CEP350: variants seen among roughly 807,000 people sequenced by gnomAD.
The protein encoded by CEP350 is centrosome-associated protein 350.
Under a neutral mutation model 331.8 loss-of-function variants are expected in CEP350, and 126 were observed. The ratio of observed to expected loss-of-function variants is 0.38; its 90% confidence interval spans 0.33 to 0.44. The LOEUF (loss-of-function observed/expected upper bound fraction) is 0.44, where lower values mean the gene tolerates loss of function less well. Among genes scored for constraint, CEP350 ranks in the 20% least tolerant of loss-of-function variants. CEP350 has a pLI of 1.00. For synonymous variants in CEP350, 1,200 were observed against 1,259.5 expected (o/e 0.95, Z 1.00); for missense variants, 3,406 against 3,634.6 (o/e 0.94, Z 1.62).
chr1:179,965,097 G>GT (rs1340019764), intron 1 of CEP350, among the ~76,000 whole-genome samples: 1 of 151,776 alleles, frequency 6.6e-6, no homozygotes, highest in Non-Finnish European at 1.5e-5. Flanking sequence ...TGGTATGTTT[G>GT]TTTCTCTATT....
At position 180,048,618 on chromosome 1, in the gene CEP350, A is replaced by T; in HGVS notation, c.4705A>T (p.Ile1569Leu). The change falls in exon 22 of 38, where the codon ATA becomes TTA. Residue 1569 changes from isoleucine to leucine, a missense_variant. Around this residue, in one of 5 missense-constraint regions of CEP350, gnomAD observed 1,857 missense variants for 1,909.2 expected, o/e 0.97. Coordinates refer to ENST00000367607, the MANE Select transcript of CEP350 (RefSeq NM_014810.5). Reference protein sequence around the residue: ...ENEKKLNGEKIESSIDEQVQT... With the variant: ...ENEKKLNGEKLESSIDEQVQT... ...TGAGAAGAAACTTAATGGTGAAAAG[A>T]TAGAGAGTTCCATTGATGAACAGGT... 6.2e-7 allele frequency: 1 copy of T among 1,610,668 alleles called. No homozygotes were observed. The highest frequency in any genetic ancestry group is 1.1e-5 in the South Asian group (1 of 91,008).
At chr1:180,058,765 C>T (rs1453985037) in intron 25 of CEP350, among the ~76,000 whole-genome samples, 5 of 151,956 alleles carry the variant, frequency 3.3e-5, no homozygotes, top group Non-Finnish European at 5.9e-5. Context: ...CAATTGGTTA[C>T]CCCTGAAAAG....
At chr1:179,988,365 T>A (rs766382844) in intron 3 of CEP350, among the ~76,000 whole-genome samples, 1 of 152,114 alleles carries the variant, frequency 6.6e-6, no homozygotes, top group Non-Finnish European at 1.5e-5. Context: ...AAGCTCATTG[T>A]TAGGGAGGAA....
chr1:180,012,827 CAT>C (rs1246240954), intron 9 of CEP350, among the ~76,000 whole-genome samples: 6 of 152,182 alleles, frequency 3.9e-5, no homozygotes, highest in Admixed American at 1.3e-4. Flanking sequence ...TAAATACGCT[CAT>C]GTGTATTCCC....
rs1330028998 is a variant in CEP350 at position 180,020,443 on chromosome 1, C to T, written c.2669C>T (p.Ser890Phe). Residue 890 changes from serine to phenylalanine, a missense_variant, in exon 12 of 38, where the codon TCT becomes TTT. Ser to Phe is a radical substitution (Grantham distance 155). Transcript: ENST00000367607. ...PVKDDNEDVF[S>F]ARIQKMLGSC... ...AAAGATGATAATGAAGATGTTTTCT[C>T]TGCCAGAATTCAGAAGATGCTGGGA... 2 of 1,613,942 alleles carry T rather than the reference C, an allele frequency of 1.2e-6. No homozygotes were observed. Among genetic ancestry groups the T allele is most frequent in the Non-Finnish European group, 1.7e-6 (2 of 1,179,900 alleles).
chr1:179,960,169 G>GAC (rs1276140411), intron 1 of CEP350, among the ~76,000 whole-genome samples: 2 of 151,686 alleles, frequency 1.3e-5, no homozygotes, highest in Non-Finnish European at 2.9e-5. Flanking sequence ...AGCATTTACA[G>GAC]ACACACACAC....
At chr1:180,019,807 GA>G in intron 11 of CEP350, 141 bp from the exon 12 acceptor site, 2 of 609,496 alleles carry the variant, frequency 3.3e-6, no homozygotes, top group Non-Finnish European at 5.1e-6. Flanking sequence ...TTGTTTTGCT[GA>G]GTGATCTTTA....
At chr1:180,042,132 T>TCTCACACACACA (rs1553258521) in intron 19 of CEP350, among the ~76,000 whole-genome samples, 36 of 146,870 alleles carry the variant, frequency 2.5e-4, no homozygotes, top group Non-Finnish European at 4.4e-4. Context: ...GAGTTTTCTC[T>TCTCACACACACA]CACACACACA....
chr1:179,985,857 G>T (rs1272321680), intron 1 of CEP350, among the ~76,000 whole-genome samples: 1 of 152,114 alleles, frequency 6.6e-6, no homozygotes, highest in Non-Finnish European at 1.5e-5. Context: ...TGGGGACACA[G>T]AACCAAACCA....
At chr1:180,036,632 C>CT (rs917200317) in intron 16 of CEP350, among the ~76,000 whole-genome samples, 3 of 152,094 alleles carry the variant, frequency 2.0e-5, no homozygotes, top group Admixed American at 6.6e-5. Flanking sequence ...AAAGTATGTA[C>CT]TTTTTTTAGA....
At chr1:179,982,114 A>T (rs1652312432) in intron 1 of CEP350, among the ~76,000 whole-genome samples, 1 of 152,228 alleles carries the variant, frequency 6.6e-6, no homozygotes, top group South Asian at 2.1e-4. Flanking sequence ...GTGCAAGTTG[A>T]TAAAGTCTCT....
At chr1:180,075,339 C>A in intron 28 of CEP350, 118 bp downstream of exon 28, 2 of 1,084,828 alleles carry the variant, frequency 1.8e-6, no homozygotes, top group Non-Finnish European at 2.6e-6. Flanking sequence ...GTAATCCTAA[C>A]ACTTTGGAAG....
chr1:180,054,468 A>G lies in CEP350; in HGVS notation c.5228A>G (p.Gln1743Arg), dbSNP rs1173351957. 2.5e-6 allele frequency: 4 copies of G among 1,602,442 alleles called. No individual in the cohort carries two copies. The African/African-American group carries it at 5.4e-5, about 21-fold the overall frequency. Residue 1743 changes from glutamine to arginine, a missense_variant, in exon 25 of 38, where the codon CAG becomes CGG. Transcript: ENST00000367607. ...DDKMPPLRKK[Q>R]RGLLLRLQQE... ...AAAATGCCCCCGCTCCGGAAGAAAC[A>G]GCGTGGTTTGCTTTTAAGGTTGCAG... is the stretch of plus-strand genomic sequence containing the variant.
chr1:180,107,683 C>T (rs116488482), intron 37 of CEP350, among the ~76,000 whole-genome samples: 1 of 152,146 alleles, frequency 6.6e-6, no homozygotes, highest in Non-Finnish European at 1.5e-5. Flanking sequence ...AAGTGTAAAT[C>T]CACCTAACCT....
chr1:179,982,716 T>C (rs138091975), intron 1 of CEP350, among the ~76,000 whole-genome samples: 30 of 152,366 alleles, frequency 2.0e-4, no homozygotes, highest in African/African-American at 6.5e-4. Context: ...CATTGACAGA[T>C]ATTCTAGTAA....
chr1:180,095,621 T>G lies in CEP350; in HGVS notation c.8610T>G (p.Asp2870Glu). ...AGTTCCTGAGCGCGTTAGGAGATGA[T>G]CAAGACTGGTTTGATGAAGACTTTG... is the stretch of plus-strand genomic sequence containing the variant. The part of the protein sequence containing the change: ...SREFLSALGD[D>E]QDWFDEDFGL... Residue 2870 changes from aspartate to glutamate, a missense_variant, in exon 35 of 38, where the codon GAT (aspartate) becomes GAG (glutamate). By Grantham distance (45) the Asp-to-Glu change is conservative. Transcript: ENST00000367607. 2 of 1,613,872 alleles carry G rather than the reference T, an allele frequency of 1.2e-6. No homozygotes were observed. Among genetic ancestry groups the G allele is most frequent in the Non-Finnish European group, 1.7e-6 (2 of 1,179,864 alleles).
intron 4 of CEP350, among the ~76,000 whole-genome samples, chr1:179,991,665 ATATGTGTGTGTG>A (rs1427383383): frequency 2.9e-5 from 2 of 68,664 alleles, no homozygotes; most frequent in Admixed American, 1.7e-4. Context: ...GTATATATAT[ATATGTGTGTGTG>A]TGTGTGTGTG....
In CEP350 at chr1:180,095,933, A is replaced by G. The variant is rs549519762; in HGVS notation, c.8919+3A>G. On this transcript the variant is annotated splice_donor_region_variant and intron_variant, in intron 35 of 37. Transcript: ENST00000367607. The stretch of plus-strand genomic sequence containing the variant: ...CTAGTAAAAGGGTCTACAAACAGGT[A>G]GGTGAAATAAAAGGATAATTTTAGT... 1.0e-5 allele frequency: 16 copies of G among 1,590,634 alleles called. 1 individual carries two copies. The South Asian group carries it at 1.1e-4, about 11-fold the overall frequency.
intron 25 of CEP350, among the ~76,000 whole-genome samples, chr1:180,059,031 A>G (rs1029946616): frequency 6.6e-6 from 1 of 152,356 alleles, no homozygotes. Flanking sequence ...TCACCATTTT[A>G]AAGTGAACAG....
Sources: allele counts gnomAD v4.1 joint callset (sites outside exome capture counted in the v4.1 genomes callset), GRCh38; gene constraint gnomAD v4.1.1; regional missense constraint gnomAD v4.1.1; transcripts MANE v1.5; gene names NCBI Gene and HGNC (gene_info 2026-07-23, HGNC 2026-07-21).